Variants in TMPRSS2 observed in about 807,000 individuals in gnomAD.
TMPRSS2 encodes the protein transmembrane serine protease 2, also known as transmembrane protease serine 2.
A neutral mutation model predicts 67.4 loss-of-function variants in TMPRSS2; 59 were observed. That is an observed-to-expected ratio of 0.88 (90% CI 0.71 to 1.09). The LOEUF is 1.09. Among genes scored for constraint, TMPRSS2 ranks in the 50% least tolerant of loss-of-function variants. The probability of loss-of-function intolerance (pLI) is 0.00; values close to 1 mark genes in which losing one functional copy is unlikely to be tolerated. For missense variants in TMPRSS2, 668 were observed against 642.7 expected, an observed-to-expected ratio of 1.04 and a Z score of -0.43; for synonymous variants, 257 against 257.0, an observed-to-expected ratio of 1.00 and a Z score of 0.00.
chr21:41,488,976 G>C (rs1306395834), intron 4 of TMPRSS2, among the ~76,000 whole-genome samples: 1 of 152,162 alleles, frequency 6.6e-6, no homozygotes, highest in Non-Finnish European at 1.5e-5. Flanking sequence ...AAGTGTCCTT[G>C]CCACCAGCAA....
chr21:41,471,909 G>C lies in TMPRSS2; in HGVS notation c.972C>G (p.Ala324=). ...AAATCACTTTTTCTACTTGGTATCC[G>C]GCTCCATAGAACATGAAAGATTGTC... ...ILRQSFMFYG[A]GYQVEKVISH... Residue 324 remains alanine, a synonymous_variant, in exon 10 of 14, where the codon GCC becomes GCG. Transcript: ENST00000332149. 1 of 1,613,394 alleles carries C rather than the reference G, an allele frequency of 6.2e-7. No individual in the cohort carries two copies. Among genetic ancestry groups the C allele is most frequent in the African/African-American group, 1.3e-5 (1 of 74,984 alleles).
chr21:41,470,706 C>G lies in TMPRSS2; in HGVS notation c.1113G>C (p.Met371Ile), dbSNP rs1373910400. 1.2e-6 allele frequency: 2 copies of G among 1,613,686 alleles called. No homozygotes were observed. The highest frequency in any genetic ancestry group is 1.7e-6 in the Non-Finnish European group (2 of 1,179,992). The change falls in exon 11 of 14, where the codon ATG (methionine) becomes ATC (isoleucine). Residue 371 changes from methionine to isoleucine, a missense_variant. Coordinates refer to ENST00000332149, the MANE Select transcript of TMPRSS2 (RefSeq NM_005656.4). ...VKPVCLPNPG[M>I]MLQPEQLCWI... The stretch of plus-strand genomic sequence containing the variant: ...AGCAGAGCTGTTCTGGCTGCAGCAT[C>G]ATGCCTGGGTTGGGCAGACACACTG...
At chr21:41,490,146 CA>C (rs56730161) in intron 3 of TMPRSS2, among the ~76,000 whole-genome samples, 421 of 95,104 alleles carry the variant, frequency 4.4e-3, no homozygotes, top group Middle Eastern at 0.013. Context: ...AAAACTCTGT[CA>C]AAAAAAAAAA....
At chr21:41,484,057 T>C (rs1252164694) in intron 5 of TMPRSS2, among the ~76,000 whole-genome samples, 1 of 152,126 alleles carries the variant, frequency 6.6e-6, no homozygotes, top group African/African-American at 2.4e-5. Flanking sequence ...AGGTCGAGGC[T>C]GCAATGAGCC....
chr21:41,473,578 C>G lies in TMPRSS2; in HGVS notation c.728-82G>C, dbSNP rs971060288. On this transcript the variant is annotated intron_variant, in intron 8 of 13. Transcript: ENST00000332149. ...CCCAGCGCCCGCCCCTCCCAAGGGT[C>G]TCCCAGGCTGCAAGGACAGGGCAGG... 4 of 1,443,772 alleles carry G rather than the reference C, an allele frequency of 2.8e-6. No homozygotes were observed. The African/African-American group carries it at 5.6e-5, about 20-fold the overall frequency. 89.4% of individuals were successfully genotyped at this position (1,443,772 alleles called of 1,614,324 possible).
At chr21:41,479,582 G>T (rs2097264687) in intron 6 of TMPRSS2, among the ~76,000 whole-genome samples, 1 of 152,136 alleles carries the variant, frequency 6.6e-6, no homozygotes, top group Admixed American at 6.5e-5. Context: ...TCTAATAAAA[G>T]GTACAGATGT....
chr21:41,472,872 AC>A, intron 9 of TMPRSS2, among the ~76,000 whole-genome samples: 1 of 152,184 alleles, frequency 6.6e-6, no homozygotes, highest in East Asian at 1.9e-4. Context: ...GGCTAGCCTC[AC>A]CCCTACCTAA....
chr21:41,468,731 T>C, intron 11 of TMPRSS2, 193 bp from the exon 12 acceptor site: 1 of 584,374 alleles, frequency 1.7e-6, no homozygotes, highest in Non-Finnish European at 3.0e-6. Flanking sequence ...CAACTGGCGG[T>C]GCCTGTGCTG....
intron 4 of TMPRSS2, 70 bp downstream of exon 4, chr21:41,489,437 G>A (rs2091320111): frequency 2.2e-6 from 3 of 1,363,712 alleles, no homozygotes; most frequent in Admixed American, 1.9e-5. Flanking sequence ...ATAGCCCAGA[G>A]AGCAGGGTCT....
intron 3 of TMPRSS2, among the ~76,000 whole-genome samples, chr21:41,493,661 C>T (rs1035485047): frequency 2.6e-5 from 4 of 152,204 alleles, no homozygotes; most frequent in African/African-American, 9.6e-5. Flanking sequence ...AGCACTGAAA[C>T]TAGCCTGAAT....
intron 2 of TMPRSS2, among the ~76,000 whole-genome samples, chr21:41,497,902 C>T (rs891847994): frequency 3.3e-5 from 5 of 152,254 alleles, no homozygotes; most frequent in African/African-American, 1.2e-4. Flanking sequence ...ATATCACCCA[C>T]GTGTACCCAA....
rs1483477774 is a variant in TMPRSS2 at position 41,475,697 on chromosome 21, G to A, written c.727+880C>T. 4.4e-4 allele frequency among the ~76,000 whole-genome samples: 49 copies of A among 111,718 alleles called. No individual in the cohort carries two copies. The South Asian group carries it at 0.018, about 41-fold the overall frequency. 73.3% of individuals were successfully genotyped at this position (111,718 alleles called of 152,430 possible). A position where few individuals can be genotyped will look rare whatever the true frequency, so the allele number is the denominator to read the frequency against. On this transcript the variant is annotated intron_variant, in intron 8 of 13. Transcript: ENST00000332149. Reference sequence around the variant, plus strand: ...GGGGTGAGTGAGGGGGCGAGGGGGTGGGTGGTGAATGAGAGGTTGAGGGGG... The same window carrying A: ...GGGGTGAGTGAGGGGGCGAGGGGGTAGGTGGTGAATGAGAGGTTGAGGGGG...
rs2091074773 is a variant in TMPRSS2, at chr21:41,465,250, G to A, written c.*892C>T. 1 of 233,628 alleles carries A rather than the reference G, an allele frequency of 4.3e-6. No individual in the cohort carries two copies. The highest frequency in any genetic ancestry group is 1.8e-4 in the South Asian group (1 of 5,528). 14.5% of individuals were successfully genotyped at this position (233,628 alleles called of 1,614,324 possible). A position where few individuals can be genotyped will look rare whatever the true frequency, so the allele number is the denominator to read the frequency against. The stretch of plus-strand genomic sequence containing the variant: ...TAGCAATGTGTAGAAACATAACATG[G>A]AAACAGTGTACCTTAAACTGAGCAT... On this transcript the variant is annotated 3_prime_UTR_variant, in exon 14 of 14. Coordinates refer to ENST00000332149, the MANE Select transcript of TMPRSS2 (RefSeq NM_005656.4).
chr21:41,468,642 A>G, intron 11 of TMPRSS2, 104 bp from the exon 12 acceptor site: 2 of 1,358,558 alleles, frequency 1.5e-6, no homozygotes, highest in South Asian at 2.7e-5. Flanking sequence ...ACAGATGGTC[A>G]CAGCCCTATT....
chr21:41,492,495 T>C (rs1292771206), intron 3 of TMPRSS2, among the ~76,000 whole-genome samples: 1 of 152,256 alleles, frequency 6.6e-6, no homozygotes, highest in Admixed American at 6.5e-5. Flanking sequence ...GAATTGGTGC[T>C]ACTCAATAAC....
intron 1 of TMPRSS2, among the ~76,000 whole-genome samples, chr21:41,503,862 TTC>T (rs2091439366): frequency 6.6e-6 from 1 of 152,164 alleles, no homozygotes; most frequent in African/African-American, 2.4e-5. Flanking sequence ...TGTCAGCAAA[TTC>T]TCTGTTATCA....
chr21:41,468,420 C>A lies in TMPRSS2; in HGVS notation c.1290G>T (p.Leu430=). 1 of 1,614,166 alleles carries A rather than the reference C, an allele frequency of 6.2e-7. No homozygotes were observed. The highest frequency in any genetic ancestry group is 8.5e-7 in the Non-Finnish European group (1 of 1,180,032). The change falls in exon 12 of 14, where the codon CTG becomes CTT. Residue 430 remains leucine, a synonymous_variant. Transcript: ENST00000332149. Reference sequence around the variant, plus strand: ...CCTGGCAAGAATCGACGTTCCCCTGCAGGAAGCCGGCACAGATCATGGCTG... The same window carrying A: ...CCTGGCAAGAATCGACGTTCCCCTGAAGGAAGCCGGCACAGATCATGGCTG... ...ITPAMICAGF[L]QGNVDSCQGD...
intron 1 of TMPRSS2, among the ~76,000 whole-genome samples, chr21:41,500,670 T>A (rs1420391095): frequency 1.3e-5 from 2 of 152,234 alleles, no homozygotes; most frequent in Non-Finnish European, 2.9e-5. Context: ...GCTTTGGGAC[T>A]TTTTCTAGGA....
rs1227920605 is a variant in TMPRSS2, at chr21:41,477,758, C to T, written c.684-1138G>A. 2.0e-5 allele frequency among the ~76,000 whole-genome samples: 3 copies of T among 152,126 alleles called. No homozygotes were observed. The South Asian group carries it at 6.2e-4, about 31-fold the overall frequency. On this transcript the variant is annotated intron_variant, in intron 7 of 13. Transcript: ENST00000332149. ...AGAATCCTAAGGTCGGTAGGGATAGCCCTGTGTGGTCACAGCGCCAGGGCA... is the reference window on the plus strand; with the variant it reads ...AGAATCCTAAGGTCGGTAGGGATAGTCCTGTGTGGTCACAGCGCCAGGGCA...
Sources: allele counts gnomAD v4.1 joint callset (sites outside exome capture counted in the v4.1 genomes callset), GRCh38; gene constraint gnomAD v4.1.1; transcripts MANE v1.5; gene names NCBI Gene and HGNC (gene_info 2026-07-23, HGNC 2026-07-21).